Variants in EZH2 observed in about 807,000 individuals in gnomAD.
EZH2 encodes histone-lysine N-methyltransferase EZH2.
EZH2 carries 18 observed loss-of-function variants against 98.4 expected under a neutral mutation model. The ratio of observed to expected loss-of-function variants is 0.18; its 90% CI spans 0.13 to 0.27. The LOEUF is 0.27. Ranked by LOEUF, EZH2 falls within the 10% of genes least tolerant of loss-of-function variation. The pLI, the probability that EZH2 is intolerant of heterozygous loss-of-function variation, is 1.00. For synonymous variants in EZH2, 338 were observed against 312.3 expected (o/e 1.08, Z -0.87); for missense variants, 470 against 935.1 (o/e 0.50, Z 6.49).
intron 1 of EZH2, among the ~76,000 whole-genome samples, chr7:148,873,470 T>TGA (rs1371030826): frequency 3.7e-4 from 47 of 125,460 alleles, no homozygotes; most frequent in African/African-American, 1.5e-3. Context: ...CCAGCCTGGG[T>TGA]GACAGAGTGA....
At chr7:148,840,320 T>C (rs1384376082) in intron 3 of EZH2, among the ~76,000 whole-genome samples, 10 of 152,212 alleles carry the variant, frequency 6.6e-5, no homozygotes, top group Admixed American at 6.5e-4. Flanking sequence ...GGTATATCCA[T>C]AATGTCAAAC....
intron 19 of EZH2, among the ~76,000 whole-genome samples, chr7:148,808,033 A>G (rs1437866039): frequency 1.3e-5 from 2 of 152,174 alleles, no homozygotes; most frequent in Non-Finnish European, 2.9e-5. Flanking sequence ...CCACATCAGG[A>G]TGCTTAGGCC....
At chr7:148,864,550 A>C (rs940894379) in intron 1 of EZH2, among the ~76,000 whole-genome samples, 1 of 151,994 alleles carries the variant, frequency 6.6e-6, no homozygotes, top group African/African-American at 2.4e-5. Flanking sequence ...GCGTGATGGC[A>C]TGTGCCTATA....
intron 1 of EZH2, among the ~76,000 whole-genome samples, chr7:148,853,162 A>G (rs1035666729): frequency 1.3e-5 from 2 of 152,320 alleles, no homozygotes; most frequent in South Asian, 2.1e-4. Context: ...CTCATATCCC[A>G]GCACTTTGGG....
intron 8 of EZH2, among the ~76,000 whole-genome samples, chr7:148,822,522 G>C (rs193200494): frequency 5.0e-4 from 73 of 146,106 alleles, no homozygotes; most frequent in African/African-American, 1.8e-3. Flanking sequence ...AAAAAAAAAA[G>C]TTTAAACTTT....
chr7:148,828,828 A>G lies in EZH2; in HGVS notation c.537T>C (p.Gly179=). 2 of 1,613,710 alleles carry G rather than the reference A, an allele frequency of 1.2e-6. No homozygotes were observed. The highest frequency in any genetic ancestry group is 1.7e-6 in the Non-Finnish European group (2 of 1,179,914). Residue 179 remains glycine, a synonymous_variant, in exon 6 of 20, where the codon GGT becomes GGC. Transcript: ENST00000320356. ...CATCATCGTCATCATCATTATATTG[A>G]CCAAGGGCATTCACCAACTCCACAA... is the stretch of plus-strand genomic sequence containing the variant. ...EIFVELVNAL[G]QYNDDDDDDD...
chr7:148,847,585 C>G lies in EZH2; in HGVS notation c.-7-280G>C, dbSNP rs149043898. Among the ~76,000 whole-genome samples the G allele has an allele frequency of 3.2e-3, 480 of 152,282 alleles. 2 individuals are homozygous for G. The highest frequency in any genetic ancestry group is 0.011 in the African/African-American group (451 of 41,552). ...GATCCCATTACAGGAATTAGGTATA[C>G]TATACTATATCACAACCTAGTTTTC... On this transcript the variant is annotated intron_variant, in intron 1 of 19. Transcript: ENST00000320356.
chr7:148,839,053 TAAGGAAGG>T (rs60020948), intron 3 of EZH2, among the ~76,000 whole-genome samples: 2,087 of 107,802 alleles, frequency 0.019, 22 homozygotes, highest in Non-Finnish European at 0.025. Context: ...CTCTGTCAAA[TAAGGAAGG>T]AAGGAAGGAA....
chr7:148,848,417 TGAA>T (rs1002206272), intron 1 of EZH2, among the ~76,000 whole-genome samples: 2 of 152,100 alleles, frequency 1.3e-5, no homozygotes, highest in South Asian at 4.1e-4. Context: ...ATATGGAAAG[TGAA>T]GAAGAAGGTG....
chr7:148,811,082 C>G (rs1245255444), intron 16 of EZH2, among the ~76,000 whole-genome samples: 2 of 152,028 alleles, frequency 1.3e-5, no homozygotes, highest in African/African-American at 4.8e-5. Flanking sequence ...TCTTGTTCTC[C>G]CTGTTGTCCC....
At position 148,817,946 on chromosome 7, in the gene EZH2, T is replaced by C; in HGVS notation, c.1171A>G (p.Thr391Ala). ...TCATTGTTCTCTCCCCCCGTTTCAG[T>C]CCCTGCTTCCCTATCACTGTCTGTA... ...KDTDSDREAG[T>A]ETGGENNDKE... Residue 391 changes from threonine (T) to alanine (A), a missense_variant, in exon 10 of 20, where the codon ACT becomes GCT. By Grantham distance (58) the Thr-to-Ala change is moderately conservative. This residue lies in a region of EZH2 where 192 missense variants were observed against 306.8 expected (regional missense o/e 0.63). Transcript: ENST00000320356. The C allele has an allele frequency of 3.7e-6, 6 of 1,614,206 alleles. No individual in the cohort carries two copies. Among genetic ancestry groups the C allele is most frequent in the Non-Finnish European group, 5.1e-6 (6 of 1,180,028 alleles).
Position 148,820,338 on chromosome 7 carries a change from GAA to G in EZH2, c.908-653_908-652del, listed in dbSNP as rs1402724545. Among the ~76,000 whole-genome samples, 3 of 152,286 alleles carry G rather than the reference GAA, an allele frequency of 2.0e-5. No individual in the cohort carries two copies. The East Asian group carries it at 5.8e-4, about 29-fold the overall frequency. ...TTCAAATGCGGGTACACTGCTACAT[GAA>G]AAGAGTGTGAACATTGACAGCAGTG... On this transcript the variant is annotated intron_variant, in intron 8 of 19. Transcript: ENST00000320356.
At chr7:148,814,781 A>T (rs1359599079) in intron 14 of EZH2, 133 bp downstream of exon 14, 3 of 1,138,418 alleles carry the variant, frequency 2.6e-6, no homozygotes, top group Non-Finnish European at 3.6e-6. Flanking sequence ...GGCTCAATAA[A>T]TACTTGTCAA....
chr7:148,813,912 T>TA, intron 15 of EZH2, 47 bp downstream of exon 15: 1 of 1,575,888 alleles, frequency 6.3e-7, no homozygotes, highest in Non-Finnish European at 8.6e-7. Context: ...TTTGCATCAC[T>TA]AAATAGCTAA....
intron 3 of EZH2, among the ~76,000 whole-genome samples, chr7:148,839,066 AAG>A (rs1179640192): frequency 1.9e-4 from 25 of 128,770 alleles, no homozygotes; most frequent in African/African-American, 8.5e-4. Flanking sequence ...GGAAGGAAGG[AAG>A]GAAGGAAGGA....
intron 1 of EZH2, chr7:148,883,089 C>A (rs1167311758): frequency 1.3e-5 from 2 of 152,238 alleles, no homozygotes; most frequent in Non-Finnish European, 2.9e-5. Flanking sequence ...GGCTGAATGA[C>A]AGTTGATTTC....
At position 148,832,625 on chromosome 7, in the gene EZH2, T is replaced by C. The variant is rs1433933611; in HGVS notation, c.363+9A>G. The C allele has an allele frequency of 2.9e-6, 4 of 1,396,124 alleles. No homozygotes were observed. The highest frequency in any genetic ancestry group is 1.9e-4 in the Middle Eastern group (1 of 5,396). 86.5% of individuals were successfully genotyped at this position (1,396,124 alleles called of 1,614,324 possible). On this transcript the variant is annotated intron_variant, in intron 4 of 19. Transcript: ENST00000320356. Reference sequence around the variant, plus strand: ...TATCAAATAAGCAGAAGATATCTTATTTACATACCATAAAATTCTGCTGTA... The same window carrying C: ...TATCAAATAAGCAGAAGATATCTTACTTACATACCATAAAATTCTGCTGTA...
chr7:148,809,676 AAT>A (rs1486257966), intron 17 of EZH2, among the ~76,000 whole-genome samples: 1 of 152,188 alleles, frequency 6.6e-6, no homozygotes, highest in African/African-American at 2.4e-5. Flanking sequence ...AAAAAAAAAA[AAT>A]CTGACAAAAT....
intron 8 of EZH2, among the ~76,000 whole-genome samples, chr7:148,820,667 G>A (rs541197933): frequency 6.6e-6 from 1 of 152,104 alleles, no homozygotes; most frequent in East Asian, 1.9e-4. Context: ...ATACTAATCT[G>A]GTGCTGGATT....
Sources: allele counts gnomAD v4.1 joint callset (sites outside exome capture counted in the v4.1 genomes callset), GRCh38; gene constraint gnomAD v4.1.1; regional missense constraint gnomAD v4.1.1; transcripts MANE v1.5; gene names NCBI Gene and HGNC (gene_info 2026-07-23, HGNC 2026-07-21).